SSBP2: variants seen among roughly 807,000 people sequenced by gnomAD.
SSBP2 encodes the protein single stranded DNA binding protein 2.
Under a neutral mutation model 61.8 loss-of-function variants are expected in SSBP2, and 17 were observed. The ratio of observed to expected loss-of-function variants is 0.28; its 90% CI spans 0.19 to 0.41. The LOEUF is 0.41. Among genes scored for constraint, SSBP2 ranks in the 10% least tolerant of loss-of-function variants. SSBP2 has a pLI of 1.00. For missense variants in SSBP2, 310 were observed against 458.7 expected (o/e 0.68, Z 2.96); for synonymous variants, 139 against 141.3 (o/e 0.98, Z 0.12).
At chr5:81,502,344 G>C (rs902959253) in intron 5 of SSBP2, among the ~76,000 whole-genome samples, 1 of 152,076 alleles carries the variant, frequency 6.6e-6, no homozygotes, top group African/African-American at 2.4e-5. Context: ...TTATCTTTCT[G>C]TCTCAAGGGC....
chr5:81,446,797 T>C, intron 12 of SSBP2, 71 bp downstream of exon 12: 2 of 1,474,624 alleles, frequency 1.4e-6, no homozygotes, highest in Non-Finnish European at 1.9e-6. Context: ...CTTTATTTCA[T>C]GAACAATTTC....
intron 16 of SSBP2, among the ~76,000 whole-genome samples, chr5:81,420,939 C>T (rs905081829): frequency 6.6e-6 from 1 of 152,074 alleles, no homozygotes; most frequent in East Asian, 1.9e-4. Flanking sequence ...ACTGAGGAGG[C>T]TACCTAACCT....
chr5:81,662,588 G>A (rs186785496), intron 1 of SSBP2, among the ~76,000 whole-genome samples: 25 of 152,182 alleles, frequency 1.6e-4, no homozygotes, highest in Non-Finnish European at 3.1e-4. Context: ...TGAATCACGA[G>A]GTCAGGAGTT....
intron 15 of SSBP2, among the ~76,000 whole-genome samples, chr5:81,430,539 T>G (rs566396402): frequency 1.3e-5 from 2 of 152,370 alleles, no homozygotes; most frequent in South Asian, 4.1e-4. Context: ...TGATTTATAA[T>G]TCTGAAAGTC....
rs1465359677 is a variant in SSBP2 at position 81,615,637 on chromosome 5, T to C, written c.198-80A>G. The C allele has an allele frequency of 3.2e-6, 3 of 935,252 alleles. 1 individual carries two copies. Among genetic ancestry groups the C allele is most frequent in the African/African-American group, 1.7e-5 (1 of 59,824 alleles). The allele number at this position is 935,252 out of a possible 1,614,324, so 57.9% of individuals were successfully genotyped here. ...ATCACAATTCCAAAAGTAGAAGACATGTTTTTCTTTATACAAAATGTTTTG... is the reference window on the plus strand; with the variant it reads ...ATCACAATTCCAAAAGTAGAAGACACGTTTTTCTTTATACAAAATGTTTTG... On this transcript the variant is annotated intron_variant, in intron 3 of 16. Coordinates refer to ENST00000320672, the MANE Select transcript of SSBP2 (RefSeq NM_012446.5).
chr5:81,630,601 A>G (rs1747611447), intron 3 of SSBP2, among the ~76,000 whole-genome samples: 1 of 152,176 alleles, frequency 6.6e-6, no homozygotes, highest in Non-Finnish European at 1.5e-5. Context: ...AAAAATATTT[A>G]TGTGCCCATT....
chr5:81,628,737 G>A (rs1173285661), intron 3 of SSBP2, among the ~76,000 whole-genome samples: 1 of 152,042 alleles, frequency 6.6e-6, no homozygotes, highest in African/African-American at 2.4e-5. Flanking sequence ...AGTGATTAGG[G>A]AAATCACATT....
chr5:81,718,642 T>C (rs930991255), intron 1 of SSBP2, among the ~76,000 whole-genome samples: 2 of 152,186 alleles, frequency 1.3e-5, no homozygotes, highest in African/African-American at 2.4e-5. Context: ...GATACTGTTC[T>C]ACGTTAGTTA....
intron 4 of SSBP2, among the ~76,000 whole-genome samples, chr5:81,587,763 GCACA>G (rs60642395): frequency 3.5e-4 from 52 of 149,024 alleles, no homozygotes; most frequent in African/African-American, 6.7e-4. Context: ...ACACGCGCGC[GCACA>G]CACACACACA....
intron 6 of SSBP2, among the ~76,000 whole-genome samples, chr5:81,485,409 A>G (rs1009541850): frequency 1.3e-5 from 2 of 152,102 alleles, no homozygotes; most frequent in Non-Finnish European, 2.9e-5. Flanking sequence ...ACCCTTATGG[A>G]TTTAATCCAG....
intron 1 of SSBP2, among the ~76,000 whole-genome samples, chr5:81,698,609 C>T (rs928828933): frequency 1.3e-5 from 2 of 152,046 alleles, no homozygotes; most frequent in South Asian, 2.1e-4. Flanking sequence ...GTCAGGAGTT[C>T]GAGACCAGCC....
chr5:81,652,639 T>C (rs867684227), intron 1 of SSBP2, among the ~76,000 whole-genome samples: 15 of 152,280 alleles, frequency 9.9e-5, no homozygotes, highest in Middle Eastern at 3.4e-3. Context: ...AAATTAATGG[T>C]TCTCAGGCAA....
At chr5:81,732,191 TTTC>T (rs1424033574) in intron 1 of SSBP2, among the ~76,000 whole-genome samples, 3 of 152,192 alleles carry the variant, frequency 2.0e-5, no homozygotes, top group Non-Finnish European at 4.4e-5. Flanking sequence ...AAACCATCTG[TTTC>T]TTCATTTTTA....
Position 81,412,835 on chromosome 5 carries a change from A to T in SSBP2, c.*7669T>A, listed in dbSNP as rs951789181. The stretch of plus-strand genomic sequence containing the variant: ...GTAAAATACCAAAGTTTAATTCATT[A>T]ACATATCTATTTGCTAATAACATTA... On this transcript the variant is annotated 3_prime_UTR_variant, in exon 17 of 17. Transcript: ENST00000320672. Among the ~76,000 whole-genome samples, 1 of 152,080 alleles carries T rather than the reference A, an allele frequency of 6.6e-6. No homozygotes were observed. Among genetic ancestry groups the T allele is most frequent in the African/African-American group, 2.4e-5 (1 of 41,458 alleles).
At chr5:81,694,236 G>T (rs774068449) in intron 1 of SSBP2, among the ~76,000 whole-genome samples, 2 of 152,122 alleles carry the variant, frequency 1.3e-5, no homozygotes, top group Non-Finnish European at 2.9e-5. Context: ...TAGTCAGAAT[G>T]AATAAGACCC....
intron 4 of SSBP2, among the ~76,000 whole-genome samples, chr5:81,526,780 A>G (rs1405402812): frequency 6.6e-6 from 1 of 152,004 alleles, no homozygotes; most frequent in East Asian, 1.9e-4. Context: ...TCAGGAGCTT[A>G]TAATCTTGGA....
At chr5:81,470,884 A>T (rs1388329236) in intron 8 of SSBP2, among the ~76,000 whole-genome samples, 2 of 151,894 alleles carry the variant, frequency 1.3e-5, no homozygotes, top group East Asian at 3.8e-4. Flanking sequence ...GTATATGTTT[A>T]TATGTTTAAT....
At position 81,568,212 on chromosome 5, in the gene SSBP2, G is replaced by A. The variant is rs535986714; in HGVS notation, c.282+47261C>T. Among the ~76,000 whole-genome samples, 27 of 152,216 alleles carry A rather than the reference G, an allele frequency of 1.8e-4. No homozygotes were observed. In the South Asian group the frequency reaches 2.7e-3, roughly 15 times the overall value. On this transcript the variant is annotated intron_variant, in intron 4 of 16. Coordinates refer to ENST00000320672, the MANE Select transcript of SSBP2 (RefSeq NM_012446.5). Reference sequence around the variant, plus strand: ...TGAATTGTACTCCCATAATTCCCACGTATTGTGGAAGGGACCTGGTGGGAG... The same window carrying A: ...TGAATTGTACTCCCATAATTCCCACATATTGTGGAAGGGACCTGGTGGGAG...
At chr5:81,617,860 T>C (rs1490314328) in intron 3 of SSBP2, among the ~76,000 whole-genome samples, 2 of 123,290 alleles carry the variant, frequency 1.6e-5, no homozygotes, top group South Asian at 2.7e-4. Context: ...CTAAGCTTCA[T>C]AAGTGAAGGA....
Sources: allele counts gnomAD v4.1 joint callset (sites outside exome capture counted in the v4.1 genomes callset), GRCh38; gene constraint gnomAD v4.1.1; transcripts MANE v1.5; gene names NCBI Gene and HGNC (gene_info 2026-07-23, HGNC 2026-07-21).